CD55: variants seen among roughly 807,000 people sequenced by gnomAD.
CD55 encodes complement decay-accelerating factor.
Under a neutral mutation model 45.8 loss-of-function variants are expected in CD55, and 41 were observed. That is an observed-to-expected ratio of 0.90 (90% CI 0.70 to 1.16). The LOEUF (loss-of-function observed/expected upper bound fraction) is 1.16, where lower values mean the gene tolerates loss of function less well. Among genes scored for constraint, CD55 ranks in the 50% most tolerant of loss-of-function variants. The pLI, the probability that CD55 is intolerant of heterozygous loss-of-function variation, is 0.00. For missense variants in CD55, 416 were observed against 469.8 expected, an observed-to-expected ratio of 0.89 and a Z score of 1.06; for synonymous variants, 181 against 181.1, an observed-to-expected ratio of 1.00 and a Z score of 0.01.
intron 5 of CD55, among the ~76,000 whole-genome samples, chr1:207,329,607 CTTTT>C (rs979541144): frequency 6.6e-6 from 1 of 151,670 alleles, no homozygotes; most frequent in Admixed American, 6.6e-5. Context: ...CCATGTACCT[CTTTT>C]TTTTCTTTTT....
chr1:207,327,398 T>G (rs547272516), intron 5 of CD55, among the ~76,000 whole-genome samples: 37 of 152,274 alleles, frequency 2.4e-4, no homozygotes, highest in African/African-American at 8.7e-4. Context: ...GAGATAAGCT[T>G]ATACCGTCAA....
chr1:207,334,753 C>A lies in CD55; in HGVS notation c.854-1940C>A, dbSNP rs940990945. ...AATGGATATTTAATCCAAAAGAGAA[C>A]GAGAGAGAGAGAAGCAGAAAGGAAC... is the stretch of plus-strand genomic sequence containing the variant. On this transcript the variant is annotated intron_variant, in intron 6 of 9. Transcript: ENST00000367064. 1.5e-3 allele frequency among the ~76,000 whole-genome samples: 222 copies of A among 151,658 alleles called. 1 individual carries two copies. The highest frequency in any genetic ancestry group is 2.1e-3 in the Non-Finnish European group (142 of 67,810).
chr1:207,336,609 T>C (rs1352531300), intron 6 of CD55, 84 bp from the exon 7 acceptor site: 13 of 1,486,838 alleles, frequency 8.7e-6, no homozygotes, highest in Non-Finnish European at 1.2e-5. Flanking sequence ...AGAGAAAGGA[T>C]AGCCACAGAG....
chr1:207,353,865 T>C lies in CD55; in HGVS notation c.1082-5681T>C, dbSNP rs1244063998. 3 of 615,968 alleles carry C rather than the reference T, an allele frequency of 4.9e-6. No homozygotes were observed. In the East Asian group the frequency reaches 8.8e-5, roughly 18 times the overall value. 38.2% of individuals were successfully genotyped at this position (615,968 alleles called of 1,614,324 possible). On this transcript the variant is annotated intron_variant, in intron 9 of 9. Transcript: ENST00000367064. Reference sequence around the variant, plus strand: ...CTCAAGCATACTGTTTTTCAAATCATCTACGAAAATCTCTTCCCAGGGTGC... The same window carrying C: ...CTCAAGCATACTGTTTTTCAAATCACCTACGAAAATCTCTTCCCAGGGTGC...
chr1:207,352,016 A>G (rs1043873720), intron 9 of CD55, among the ~76,000 whole-genome samples: 2 of 152,182 alleles, frequency 1.3e-5, no homozygotes, highest in African/African-American at 2.4e-5. Flanking sequence ...AAGATAAATT[A>G]ACTCTACTGC....
chr1:207,331,705 G>A (rs1654954756), intron 6 of CD55, among the ~76,000 whole-genome samples: 1 of 152,134 alleles, frequency 6.6e-6, no homozygotes, highest in South Asian at 2.1e-4. Context: ...GGAAACTCTT[G>A]CCATCTGTTG....
intron 9 of CD55, chr1:207,354,128 C>T: frequency 1.3e-6 from 2 of 1,512,698 alleles, no homozygotes; most frequent in South Asian, 1.2e-5. Flanking sequence ...AAGTTGGGTT[C>T]TTTGGCAGTG....
chr1:207,324,916 G>A (rs1279726577), intron 3 of CD55, among the ~76,000 whole-genome samples, 166 bp downstream of exon 3: 3 of 152,044 alleles, frequency 2.0e-5, no homozygotes, highest in Non-Finnish European at 2.9e-5. Context: ...ATATTTATGT[G>A]GTAGGAATAC....
chr1:207,345,658 C>T (rs1014851598), intron 9 of CD55, among the ~76,000 whole-genome samples: 46 of 152,014 alleles, frequency 3.0e-4, no homozygotes, highest in Admixed American at 5.2e-4. Flanking sequence ...TTCACGTTTC[C>T]TGCATCCTGA....
At chr1:207,325,825 A>C in intron 4 of CD55, 104 bp downstream of exon 4, 1 of 612,238 alleles carries the variant, frequency 1.6e-6, no homozygotes, top group Non-Finnish European at 2.9e-6. Context: ...AGCTAGTAGC[A>C]ATTAAAACAA....
In CD55 at chr1:207,321,746, T is replaced by G. The variant is rs771370227; in HGVS notation, c.-20T>G. 1 of 1,497,874 alleles carries G rather than the reference T, an allele frequency of 6.7e-7. No homozygotes were observed. Among genetic ancestry groups the G allele is most frequent in the South Asian group, 1.3e-5 (1 of 79,728 alleles). 92.8% of individuals were successfully genotyped at this position (1,497,874 alleles called of 1,614,324 possible). A position where few individuals can be genotyped will look rare whatever the true frequency, so the allele number is the denominator to read the frequency against. On this transcript the variant is annotated 5_prime_UTR_variant, in exon 1 of 10. Coordinates refer to ENST00000367064, the MANE Select transcript of CD55 (RefSeq NM_000574.5). The stretch of plus-strand genomic sequence containing the variant: ...TCGGCGGAGTCCCGGCGGCGCGTCC[T>G]TGTTCTAACCCGGCGCGCCATGACC...
At chr1:207,358,050 A>G (rs940166272) in intron 9 of CD55, among the ~76,000 whole-genome samples, 2 of 152,168 alleles carry the variant, frequency 1.3e-5, no homozygotes, top group Non-Finnish European at 2.9e-5. Flanking sequence ...AGATAAGCAG[A>G]CTAATGTATT....
chr1:207,337,063 A>G (rs963140670), intron 7 of CD55: 2 of 611,278 alleles, frequency 3.3e-6, no homozygotes, highest in African/African-American at 3.7e-5. Context: ...CCACCAGAGC[A>G]AATGATTCAG....
intron 5 of CD55, 108 bp downstream of exon 5, chr1:207,326,945 C>T (rs1450246787): frequency 1.4e-6 from 1 of 718,796 alleles, no homozygotes; most frequent in African/African-American, 1.8e-5. Flanking sequence ...GTAGCAAACC[C>T]ACCTTTCAAT....
At chr1:207,331,058 A>G in intron 5 of CD55, 50 bp from the exon 6 acceptor site, 1 of 1,263,894 alleles carries the variant, frequency 7.9e-7, no homozygotes, top group Non-Finnish European at 1.1e-6. Flanking sequence ...ATTTGTAAAA[A>G]TACTTTACTA....
chr1:207,337,560 A>T lies in CD55; in HGVS notation c.1060+151A>T, dbSNP rs145800744. On this transcript the variant is annotated intron_variant, in intron 8 of 9. Transcript: ENST00000367064. ...TACTTTTTACTTTATTTGGAAGCGG[A>T]CTTGGATTGTACTAGGGCAAATCTT... 2.3e-3 allele frequency: 1,249 copies of T among 547,810 alleles called. 13 individuals are homozygous for T. The highest frequency in any genetic ancestry group is 8.3e-3 in the East Asian group (271 of 32,718). 33.9% of individuals were successfully genotyped at this position (547,810 alleles called of 1,614,324 possible).
chr1:207,330,715 G>C (rs148617659), intron 5 of CD55, among the ~76,000 whole-genome samples: 1 of 152,130 alleles, frequency 6.6e-6, no homozygotes, highest in African/African-American at 2.4e-5. Context: ...GTACATATTA[G>C]GTTTAAACTC....
At chr1:207,340,572 A>G (rs533071469) in intron 9 of CD55, 2 of 697,034 alleles carry the variant, frequency 2.9e-6, no homozygotes, top group Admixed American at 2.0e-5. Context: ...GGATTTTCCT[A>G]TGTTGCCCAG....
chr1:207,324,213 G>A (rs1421449396), intron 2 of CD55, among the ~76,000 whole-genome samples: 2 of 152,058 alleles, frequency 1.3e-5, no homozygotes, highest in Non-Finnish European at 2.9e-5. Flanking sequence ...CCCTATTCCT[G>A]TACTGTATGG....
Sources: allele counts gnomAD v4.1 joint callset (sites outside exome capture counted in the v4.1 genomes callset), GRCh38; gene constraint gnomAD v4.1.1; transcripts MANE v1.5; gene names NCBI Gene and HGNC (gene_info 2026-07-23, HGNC 2026-07-21).